ACSM3: variants seen among roughly 807,000 people sequenced by gnomAD.
The protein encoded by ACSM3 is acyl-coenzyme A synthetase ACSM3, mitochondrial.
In ACSM3, 61 loss-of-function variants were observed where a neutral mutation model predicts 74.1. The ratio of observed to expected loss-of-function variants is 0.82; its 90% CI spans 0.67 to 1.02. The LOEUF (loss-of-function observed/expected upper bound fraction) is 1.02, where lower values mean the gene tolerates loss of function less well. Ranked by LOEUF, ACSM3 falls within the 50% of genes least tolerant of loss-of-function variation. The pLI, the probability that ACSM3 is intolerant of heterozygous loss-of-function variation, is 0.00. For missense variants in ACSM3, 660 were observed against 697.0 expected, an observed-to-expected ratio of 0.95 and a Z score of 0.60; for synonymous variants, 213 against 241.5, an observed-to-expected ratio of 0.88 and a Z score of 1.09.
intron 1 of ACSM3, chr16:20,728,623 A>C: frequency 2.5e-6 from 1 of 393,264 alleles, no homozygotes; most frequent in Non-Finnish European, 4.7e-6. Context: ...AGAGACTATC[A>C]CCTATCACCT....
chr16:20,717,998 A>G (rs1324333529), intron 1 of ACSM3, among the ~76,000 whole-genome samples: 15 of 150,394 alleles, frequency 1.0e-4, no homozygotes, highest in Admixed American at 1.3e-4. Context: ...AAGAAGAAGA[A>G]GAAGAAGAAG....
At chr16:20,777,052 A>G (rs1299029687) in intron 3 of ACSM3, among the ~76,000 whole-genome samples, 1 of 152,158 alleles carries the variant, frequency 6.6e-6, no homozygotes, top group African/African-American at 2.4e-5. Context: ...GTTAAAACAT[A>G]TAATCAAATA....
intron 1 of ACSM3, chr16:20,737,952 A>C: frequency 1.3e-6 from 2 of 1,576,140 alleles, no homozygotes; most frequent in Non-Finnish European, 1.7e-6. Flanking sequence ...CCAATTTCTC[A>C]GGCTCTTAAG....
At chr16:20,753,851 A>G (rs139978807) in intron 2 of ACSM3, among the ~76,000 whole-genome samples, 91 of 151,982 alleles carry the variant, frequency 6.0e-4, no homozygotes, top group African/African-American at 2.1e-3. Flanking sequence ...TAAGAAAGAA[A>G]TGAAAAGAAG....
At chr16:20,710,024 C>T (rs1374793667) in intron 1 of ACSM3, among the ~76,000 whole-genome samples, 2 of 152,152 alleles carry the variant, frequency 1.3e-5, no homozygotes, top group African/African-American at 2.4e-5. Flanking sequence ...CCACTTTATT[C>T]CCAATAATTC....
chr16:20,744,507 C>T (rs2079949874), intron 1 of ACSM3, among the ~76,000 whole-genome samples: 1 of 152,194 alleles, frequency 6.6e-6, no homozygotes. Context: ...GCCTCAGCCT[C>T]CCAAGTAGCT....
intron 1 of ACSM3, among the ~76,000 whole-genome samples, chr16:20,677,817 G>A (rs1251893620): frequency 2.0e-5 from 3 of 151,954 alleles, no homozygotes; most frequent in Non-Finnish European, 4.4e-5. Context: ...TATTTACACA[G>A]ATTCCAAATA....
chr16:20,750,217 A>G (rs1227935436), intron 2 of ACSM3, among the ~76,000 whole-genome samples: 1 of 152,192 alleles, frequency 6.6e-6, no homozygotes, highest in African/African-American at 2.4e-5. Context: ...ACTACTCTTT[A>G]TTTTATATCA....
intron 7 of ACSM3, chr16:20,783,177 A>G (rs35396346): frequency 6.6e-6 from 1 of 152,090 alleles, no homozygotes; most frequent in African/African-American, 2.4e-5. Flanking sequence ...TCTATTACCC[A>G]GGAAATTCCA....
intron 9 of ACSM3, chr16:20,789,402 G>T: frequency 9.5e-7 from 1 of 1,052,088 alleles, no homozygotes; most frequent in East Asian, 2.4e-5. Context: ...CTTAATAAAT[G>T]CTAGCTACTG....
At chr16:20,732,763 G>A (rs550991624) in intron 1 of ACSM3, 1 of 152,558 alleles carries the variant, frequency 6.6e-6, no homozygotes, top group East Asian at 1.9e-4. Flanking sequence ...AACAGTTTCT[G>A]GTGTCTATGA....
Position 20,758,378 on chromosome 16 carries a change from G to C in ACSM3, c.-52+2762G>C, listed in dbSNP as rs1373839800. On this transcript the variant is annotated intron_variant, in intron 3 of 3. Coordinates refer to the ACSM3 transcript ENST00000561584. ...TTAGCCTTCGGAGAGTGTATGTGTC[G>C]AGGAATTTCTCCATTTCTTCTAGAT... Among the ~76,000 whole-genome samples the C allele has an allele frequency of 2.6e-5, 4 of 152,252 alleles. No individual in the cohort carries two copies. In the East Asian group the frequency reaches 5.8e-4, roughly 22 times the overall value.
intron 9 of ACSM3, chr16:20,789,383 T>A (rs1478844407): frequency 1.1e-6 from 1 of 871,380 alleles, no homozygotes; most frequent in Non-Finnish European, 1.9e-6. Context: ...ACTTAGCATG[T>A]ATTAAGTACT....
chr16:20,717,738 C>T (rs2079767373), intron 1 of ACSM3, among the ~76,000 whole-genome samples: 1 of 151,434 alleles, frequency 6.6e-6, no homozygotes, highest in Non-Finnish European at 1.5e-5. Flanking sequence ...AGATAAAATG[C>T]ATGTCCTTTT....
rs1201529849 is a variant in ACSM3 at position 20,712,236 on chromosome 16, G to A, written c.-190+37414G>A. On this transcript the variant is annotated intron_variant, in intron 1 of 3. Coordinates refer to the ACSM3 transcript ENST00000561584. ...ATGTTGTCTATGTAACAACAGCAGA[G>A]TGGAGTAGTTACAACAGAAACCTAG... Among the ~76,000 whole-genome samples, 4 of 152,172 alleles carry A rather than the reference G, an allele frequency of 2.6e-5. No individual in the cohort carries two copies. The East Asian group carries it at 5.8e-4, about 22-fold the overall frequency.
rs373957698 is a variant in ACSM3 at position 20,737,444 on chromosome 16, C to G, written c.-189-12466C>G. 9.1e-4 allele frequency among the ~76,000 whole-genome samples: 138 copies of G among 152,258 alleles called. 4 individuals are homozygous for G. The South Asian group carries it at 0.028, about 31-fold the overall frequency. The stretch of plus-strand genomic sequence containing the variant: ...AATCTGAACCCTTACAATAAATAAA[C>G]ACAAATGAAACCCTACAACATTTAA... On this transcript the variant is annotated intron_variant, in intron 1 of 3. Coordinates refer to the ACSM3 transcript ENST00000561584.
chr16:20,733,670 G>A (rs929343973), intron 1 of ACSM3: 1 of 151,810 alleles, frequency 6.6e-6, no homozygotes, highest in African/African-American at 2.4e-5. Context: ...CCAATTTTTA[G>A]GGAACAAATT....
intron 1 of ACSM3, among the ~76,000 whole-genome samples, chr16:20,725,171 T>A (rs1213613470): frequency 6.6e-6 from 1 of 152,212 alleles, no homozygotes; most frequent in Non-Finnish European, 1.5e-5. Flanking sequence ...ATGGTACTGG[T>A]ACCAAAACAG....
intron 12 of ACSM3, among the ~76,000 whole-genome samples, chr16:20,793,841 C>A (rs903823139): frequency 2.0e-5 from 3 of 152,162 alleles, no homozygotes; most frequent in African/African-American, 7.2e-5. Flanking sequence ...ATCAGTTTTA[C>A]CCACCTAGAC....
Sources: gnomAD v4.1 joint callset for allele counts (sites outside exome capture counted in the v4.1 genomes callset) on GRCh38, gnomAD v4.1.1 for gene constraint, MANE v1.5 for transcripts, NCBI Gene and HGNC (gene_info 2026-07-23, HGNC 2026-07-21) for gene names.